Variants in ANXA6 observed in about 807,000 individuals in gnomAD.
The protein encoded by ANXA6 is 67 kDa calelectrin.
ANXA6 carries 71 observed loss-of-function variants against 95.4 expected under a neutral mutation model. The ratio of observed to expected loss-of-function variants is 0.74; its 90% confidence interval spans 0.61 to 0.91. The LOEUF is 0.91. ANXA6 is among the 40% of genes least tolerant of loss of function. ANXA6 has a pLI of 0.00. For missense variants in ANXA6, 830 were observed against 876.4 expected (o/e 0.95, Z 0.67); for synonymous variants, 289 against 315.9 (o/e 0.91, Z 0.90).
chr5:151,141,763 C>T, intron 2 of ANXA6: 1 of 959,890 alleles, frequency 1.0e-6, no homozygotes, highest in Non-Finnish European at 1.2e-6. Context: ...CTGGGAATCC[C>T]CTGCAACCTG....
At chr5:151,102,313 A>G (rs547506308) in intron 25 of ANXA6, among the ~76,000 whole-genome samples, 1 of 152,348 alleles carries the variant, frequency 6.6e-6, no homozygotes, top group Admixed American at 6.5e-5. Context: ...ACTGCCTCTG[A>G]GATGCCCATA....
chr5:151,138,008 G>A (rs2113942131), intron 5 of ANXA6, among the ~76,000 whole-genome samples: 1 of 152,272 alleles, frequency 6.6e-6, no homozygotes, highest in East Asian at 1.9e-4. Flanking sequence ...TAGTTGCTCT[G>A]CCAAACTCAC....
intron 18 of ANXA6, among the ~76,000 whole-genome samples, chr5:151,118,850 G>A (rs1045315849): frequency 6.6e-6 from 1 of 152,164 alleles, no homozygotes; most frequent in Admixed American, 6.5e-5. Context: ...TTACAGGTGT[G>A]AGCCACTGCA....
At chr5:151,144,612 C>A (rs961607024) in intron 2 of ANXA6, among the ~76,000 whole-genome samples, 1 of 152,130 alleles carries the variant, frequency 6.6e-6, no homozygotes, top group African/African-American at 2.4e-5. Context: ...GCTCCTCCCC[C>A]TCCACTGTTC....
intron 25 of ANXA6, among the ~76,000 whole-genome samples, chr5:151,101,787 C>T (rs1463837483): frequency 6.6e-6 from 1 of 152,180 alleles, no homozygotes; most frequent in East Asian, 1.9e-4. Flanking sequence ...TTCCTTTCCC[C>T]CAGGAGCATC....
intron 24 of ANXA6, among the ~76,000 whole-genome samples, 186 bp downstream of exon 24, chr5:151,105,059 C>T (rs765929469): frequency 1.2e-4 from 19 of 152,156 alleles, no homozygotes; most frequent in Admixed American, 6.5e-4. Context: ...CGGGGGAAGG[C>T]GGGGGAAATC....
At chr5:151,106,527 C>A (rs1035704394) in intron 23 of ANXA6, among the ~76,000 whole-genome samples, 2 of 152,210 alleles carry the variant, frequency 1.3e-5, no homozygotes, top group African/African-American at 4.8e-5. Flanking sequence ...TGTCAAAGCT[C>A]CTGGCCTCCT....
At chr5:151,126,564 A>C in intron 13 of ANXA6, 84 bp from the exon 14 acceptor site, 1 of 787,768 alleles carries the variant, frequency 1.3e-6, no homozygotes, top group Non-Finnish European at 2.0e-6. Context: ...ACACACACAC[A>C]CACACACCCC....
intron 22 of ANXA6, 43 bp downstream of exon 22, chr5:151,109,710 G>A (rs1203937878): frequency 6.8e-7 from 1 of 1,479,110 alleles, no homozygotes; most frequent in East Asian, 2.4e-5. Context: ...TCAGATTCTG[G>A]GATCTTCCTG....
chr5:151,137,468 C>T, intron 5 of ANXA6, 147 bp from the exon 6 acceptor site: 1 of 546,380 alleles, frequency 1.8e-6, no homozygotes, highest in South Asian at 2.4e-5. Context: ...GGAACTCCTG[C>T]CTTGAGACTC....
intron 2 of ANXA6, among the ~76,000 whole-genome samples, chr5:151,144,862 G>T (rs1322412449): frequency 6.6e-6 from 1 of 151,900 alleles, no homozygotes; most frequent in Admixed American, 6.6e-5. Context: ...ATAGCCACTA[G>T]AAGCAAAGGT....
intron 6 of ANXA6, among the ~76,000 whole-genome samples, chr5:151,136,606 C>T (rs146566698): frequency 7.2e-4 from 110 of 152,322 alleles, no homozygotes; most frequent in African/African-American, 2.4e-3. Flanking sequence ...TTCTCTCCTC[C>T]TCTATTCTCA....
chr5:151,151,243 C>T (rs1766099340), intron 1 of ANXA6: 1 of 152,244 alleles, frequency 6.6e-6, no homozygotes, highest in South Asian at 2.1e-4. Context: ...ACACCATTTA[C>T]CCTGGCTTTA....
chr5:151,150,490 T>G (rs1766081320), intron 1 of ANXA6, among the ~76,000 whole-genome samples: 1 of 152,200 alleles, frequency 6.6e-6, no homozygotes, highest in South Asian at 2.1e-4. Context: ...AGGGCCTCTG[T>G]CGTGTTTGCC....
intron 23 of ANXA6, among the ~76,000 whole-genome samples, chr5:151,106,957 T>C (rs1764709145): frequency 6.6e-6 from 1 of 152,128 alleles, no homozygotes; most frequent in South Asian, 2.1e-4. Context: ...AAGAGGGAAA[T>C]ACACGAGGAG....
At chr5:151,130,155 C>T (rs1765455094) in intron 11 of ANXA6, among the ~76,000 whole-genome samples, 1 of 152,104 alleles carries the variant, frequency 6.6e-6, no homozygotes, top group Non-Finnish European at 1.5e-5. Flanking sequence ...TAGGTTTTTG[C>T]TGTACTATTC....
chr5:151,137,413 C>T (rs560528752), intron 5 of ANXA6, 92 bp from the exon 6 acceptor site: 4 of 965,528 alleles, frequency 4.1e-6, no homozygotes, highest in African/African-American at 1.6e-5. Flanking sequence ...AGCTATGACA[C>T]CCCAGGACTC....
At chr5:151,121,053 T>G (rs562136362) in intron 17 of ANXA6, among the ~76,000 whole-genome samples, 1 of 152,356 alleles carries the variant, frequency 6.6e-6, no homozygotes, top group Non-Finnish European at 1.5e-5. Flanking sequence ...CTTTTTGGCT[T>G]AGGTATTTTA....
intron 6 of ANXA6, 47 bp from the exon 7 acceptor site, chr5:151,136,382 G>A (rs764664166): frequency 9.5e-6 from 15 of 1,582,448 alleles, no homozygotes; most frequent in East Asian, 9.0e-5. Flanking sequence ...GAGACCTCAG[G>A]GATCTAGGAT....
Sources: gnomAD v4.1 joint callset for allele counts (sites outside exome capture counted in the v4.1 genomes callset) on GRCh38, gnomAD v4.1.1 for gene constraint, MANE v1.5 for transcripts, NCBI Gene and HGNC (gene_info 2026-07-23, HGNC 2026-07-21) for gene names.